PHF20: variants seen among roughly 807,000 people sequenced by gnomAD.
PHF20 encodes the protein glioma-expressed antigen 2.
PHF20 carries 23 observed loss-of-function variants against 113.5 expected under a neutral mutation model. The observed-to-expected ratio is 0.20, with a 90% CI of 0.15 to 0.29. The LOEUF is 0.29. Among genes scored for constraint, PHF20 ranks in the 10% least tolerant of loss-of-function variants. The pLI is 1.00. For missense variants in PHF20, 943 were observed against 1,219.6 expected, an observed-to-expected ratio of 0.77 and a Z score of 3.38; for synonymous variants, 434 against 457.3, an observed-to-expected ratio of 0.95 and a Z score of 0.65.
intron 4 of PHF20, among the ~76,000 whole-genome samples, chr20:35,853,809 C>T (rs1287886514): frequency 2.0e-5 from 3 of 150,284 alleles, no homozygotes; most frequent in Non-Finnish European, 4.4e-5. Context: ...GGCTGGAGTG[C>T]AGTGGCGCGA....
At chr20:35,872,957 T>C (rs944499613) in intron 9 of PHF20, among the ~76,000 whole-genome samples, 31 of 152,204 alleles carry the variant, frequency 2.0e-4, no homozygotes, top group Non-Finnish European at 4.0e-4. Flanking sequence ...GGGGTTTTTT[T>C]CCTTTTGGTC....
At chr20:35,836,844 C>CAAA (rs36116121) in intron 2 of PHF20, among the ~76,000 whole-genome samples, 2 of 70,726 alleles carry the variant, frequency 2.8e-5, no homozygotes, top group Non-Finnish European at 6.0e-5. Flanking sequence ...GACTCCGTCT[C>CAAA]AAAAAAAAAA....
chr20:35,864,738 T>A (rs1035472952), intron 6 of PHF20, among the ~76,000 whole-genome samples: 1 of 152,142 alleles, frequency 6.6e-6, no homozygotes, highest in African/African-American at 2.4e-5. Flanking sequence ...TCTGTAGGCC[T>A]AAATAGGGCC....
chr20:35,898,657 C>G (rs2055036709), intron 9 of PHF20, among the ~76,000 whole-genome samples: 1 of 152,058 alleles, frequency 6.6e-6, no homozygotes, highest in African/African-American at 2.4e-5. Flanking sequence ...GTCTCCCAGG[C>G]TGGAGTGCAA....
Position 35,889,302 on chromosome 20 carries a change from C to T in PHF20, c.1283-10068C>T, listed in dbSNP as rs558302830. ...GTGCTGAGATTATAGGCGTGAGCCA[C>T]CGTGCCTGGTGCTATACATAATTTT... On this transcript the variant is annotated intron_variant, in intron 9 of 17. Coordinates refer to ENST00000374012, the MANE Select transcript of PHF20 (RefSeq NM_016436.5). 2.0e-5 allele frequency among the ~76,000 whole-genome samples: 3 copies of T among 152,090 alleles called. No homozygotes were observed. The South Asian group carries it at 6.2e-4, about 32-fold the overall frequency.
At chr20:35,806,313 T>C (rs2041880736) in intron 2 of PHF20, among the ~76,000 whole-genome samples, 1 of 151,658 alleles carries the variant, frequency 6.6e-6, no homozygotes, top group East Asian at 1.9e-4. Context: ...GCACATACCA[T>C]CATGCTAGGC....
At chr20:35,811,879 T>C (rs1405389532) in intron 2 of PHF20, among the ~76,000 whole-genome samples, 2 of 152,106 alleles carry the variant, frequency 1.3e-5, no homozygotes, top group East Asian at 3.9e-4. Flanking sequence ...CCCACCATTC[T>C]CCTGCCTCAG....
chr20:35,897,652 C>T (rs1460196725), intron 9 of PHF20, among the ~76,000 whole-genome samples: 3 of 149,596 alleles, frequency 2.0e-5, no homozygotes, highest in East Asian at 2.0e-4. Flanking sequence ...CTGCAAACTC[C>T]GCCTCCTGGG....
chr20:35,850,306 T>TTGTTTTTG (rs2042699093), intron 4 of PHF20, among the ~76,000 whole-genome samples: 1 of 106,740 alleles, frequency 9.4e-6, no homozygotes, highest in African/African-American at 4.2e-5. Context: ...GTTTTTTTTT[T>TTGTTTTTG]TTTTTTTTTT....
chr20:35,878,161 CAAGT>C (rs1222251140), intron 9 of PHF20, among the ~76,000 whole-genome samples: 2 of 152,096 alleles, frequency 1.3e-5, no homozygotes, highest in Admixed American at 6.5e-5. Context: ...TTCATATCAT[CAAGT>C]ATGTATTGTG....
chr20:35,893,639 A>G (rs2054920043), intron 9 of PHF20, among the ~76,000 whole-genome samples: 1 of 151,300 alleles, frequency 6.6e-6, no homozygotes. Context: ...TTTCAGACAG[A>G]GTTTGGCTCT....
Position 35,947,821 on chromosome 20 carries a change from C to T in PHF20, c.*194C>T, listed in dbSNP as rs2056113856. On this transcript the variant is annotated 3_prime_UTR_variant, in exon 18 of 18. Transcript: ENST00000374012. ...CGGGAGGACACTCTGATCTCGAAGC[C>T]TGCCATAAAGGTAGCAAATAGACTC... The T allele has an allele frequency of 1.8e-6, 1 of 570,414 alleles. No homozygotes were observed. The highest frequency in any genetic ancestry group is 2.2e-5 in the South Asian group (1 of 44,832). The allele number at this position is 570,414 out of a possible 1,614,324, so 35.3% of individuals were successfully genotyped here.
chr20:35,941,830 A>G (rs1285572769), intron 17 of PHF20, among the ~76,000 whole-genome samples: 1 of 152,202 alleles, frequency 6.6e-6, no homozygotes, highest in South Asian at 2.1e-4. Flanking sequence ...GCCGGGACAC[A>G]TGTGGCTGAT....
chr20:35,824,378 G>A (rs556914950), intron 2 of PHF20, among the ~76,000 whole-genome samples: 4 of 152,250 alleles, frequency 2.6e-5, no homozygotes, highest in Admixed American at 6.5e-5. Flanking sequence ...GGAGGCTGAG[G>A]TGGGCGGATC....
chr20:35,832,652 G>A (rs1250525131), intron 2 of PHF20, among the ~76,000 whole-genome samples: 2 of 152,146 alleles, frequency 1.3e-5, no homozygotes, highest in Admixed American at 6.6e-5. Flanking sequence ...GAGCATACTC[G>A]GTATGGGAAG....
intron 1 of PHF20, among the ~76,000 whole-genome samples, chr20:35,778,502 C>T (rs559403082): frequency 1.3e-5 from 2 of 152,244 alleles, no homozygotes; most frequent in Admixed American, 1.3e-4. Flanking sequence ...GTAATCCCAG[C>T]ACTTTGGGAG....
chr20:35,880,722 A>T (rs1407166363), intron 9 of PHF20, among the ~76,000 whole-genome samples: 1 of 152,098 alleles, frequency 6.6e-6, no homozygotes, highest in Non-Finnish European at 1.5e-5. Flanking sequence ...GCACTTTGGG[A>T]GGCTGACGCG....
intron 2 of PHF20, among the ~76,000 whole-genome samples, chr20:35,817,268 T>C (rs2425153): frequency 0.26 from 39,100 of 150,654 alleles, 5,850 homozygotes; most frequent in African/African-American, 0.42. Flanking sequence ...CTCACTGCAA[T>C]CTCCGCCTCC....
chr20:35,931,042 G>A (rs1027911476), intron 14 of PHF20, among the ~76,000 whole-genome samples: 3 of 152,168 alleles, frequency 2.0e-5, no homozygotes, highest in African/African-American at 7.2e-5. Flanking sequence ...GGAAGTACAT[G>A]CCTTATTCAC....
Sources: gnomAD v4.1 joint callset for allele counts (sites outside exome capture counted in the v4.1 genomes callset) on GRCh38, gnomAD v4.1.1 for gene constraint, MANE v1.5 for transcripts, NCBI Gene and HGNC (gene_info 2026-07-23, HGNC 2026-07-21) for gene names.